MPIG6B: variants seen among roughly 807,000 people sequenced by gnomAD.
MPIG6B encodes the protein megakaryocyte and platelet inhibitory receptor G6b, also known as immunoglobulin receptor.
MPIG6B carries 22 observed loss-of-function variants against 24.2 expected under a neutral mutation model. That is an observed-to-expected ratio of 0.91 (90% CI 0.65 to 1.30). MPIG6B has a LOEUF of 1.30. Ranked by LOEUF, MPIG6B falls within the 50% of genes most tolerant of loss-of-function variation. The pLI, the probability that MPIG6B is intolerant of heterozygous loss-of-function variation, is 0.00. For missense variants in MPIG6B, 301 were observed against 318.5 expected (o/e 0.94, Z 0.42); for synonymous variants, 136 against 142.0 (o/e 0.96, Z 0.30).
upstream of MPIG6B, chr6:31,720,324 G>C: frequency 1.5e-6 from 1 of 668,714 alleles, no homozygotes; most frequent in South Asian, 1.8e-5. The surrounding 1 kb of genome is among the most constrained non-coding windows in gnomAD (Gnocchi z 4.9). Flanking sequence ...CAACCTGTTT[G>C]GCTGTTTGGT....
At position 31,723,988 on chromosome 6, in the gene MPIG6B, T is replaced by C. The variant is rs767118058; in HGVS notation, c.409+2T>C. 1.0e-5 allele frequency: 16 copies of C among 1,551,234 alleles called. No individual in the cohort carries two copies. The highest frequency in any genetic ancestry group is 1.0e-5 in the Non-Finnish European group (12 of 1,146,060). ...GCAAGGCCCCCGGGCCTACCCATGG[T>C]AGGTGCAGGCCTGTGCGCACAAGGG... is the stretch of plus-strand genomic sequence containing the variant. On this transcript the variant is annotated splice_donor_variant, in intron 2 of 5. Coordinates refer to ENST00000649779, the MANE Select transcript of MPIG6B (RefSeq NM_138272.3). LOFTEE classifies it high-confidence loss of function. The surrounding 1 kb of genome is among the most constrained non-coding windows in gnomAD (Gnocchi z 4.3).
rs1295844211 is a variant in MPIG6B at position 31,724,013 on chromosome 6, G to T, written c.409+27G>T. On this transcript the variant is annotated intron_variant, in intron 2 of 5. Coordinates refer to ENST00000649779, the MANE Select transcript of MPIG6B (RefSeq NM_138272.3). Reference sequence around the variant, plus strand: ...TAGGTGCAGGCCTGTGCGCACAAGGGTACTTAACTCCGACACATACCCGGA... The same window carrying T: ...TAGGTGCAGGCCTGTGCGCACAAGGTTACTTAACTCCGACACATACCCGGA... 7 of 1,560,940 alleles carry T rather than the reference G, an allele frequency of 4.5e-6. No homozygotes were observed. In the East Asian group the frequency reaches 1.6e-4, roughly 35 times the overall value.
upstream of MPIG6B, chr6:31,723,137 A>G: frequency 1.7e-6 from 1 of 579,628 alleles, no homozygotes. This position sits in a 1 kb window ranked among gnomAD's most constrained non-coding sequence, Gnocchi z 4.3. Context: ...CGCACCTGAA[A>G]AGTTAAGCAG....
intron 3 of MPIG6B, 96 bp from the exon 4 acceptor site, chr6:31,724,491 G>C: frequency 9.3e-7 from 1 of 1,074,866 alleles, no homozygotes; most frequent in Non-Finnish European, 1.5e-6. Context: ...TCCGGTCTGA[G>C]CCTTCAAGTT....
At chr6:31,724,041 AG>A in intron 2 of MPIG6B, 55 bp downstream of exon 2, 1 of 1,565,870 alleles carries the variant, frequency 6.4e-7, no homozygotes, top group Non-Finnish European at 8.7e-7. Flanking sequence ...TACCCGGAGG[AG>A]GGAAGAGGGC....
In MPIG6B at chr6:31,726,325, G is replaced by A. The variant is rs896861821; in HGVS notation, c.*1251G>A. The A allele has an allele frequency of 6.6e-6, 1 of 152,282 alleles. No individual in the cohort carries two copies. The highest frequency in any genetic ancestry group is 2.4e-5 in the African/African-American group (1 of 41,444). The allele number at this position is 152,282 out of a possible 1,614,324, so 9.4% of individuals were successfully genotyped here. On this transcript the variant is annotated 3_prime_UTR_variant, in exon 6 of 6. Transcript: ENST00000649779. The surrounding 1 kb of genome is among the most constrained non-coding windows in gnomAD (Gnocchi z 5.1). ...CTTTGTCCACTCTCCAGGCTTACCTGTGTCATTCCACATGCACATCTTAGA... is the reference window on the plus strand; with the variant it reads ...CTTTGTCCACTCTCCAGGCTTACCTATGTCATTCCACATGCACATCTTAGA...
rs146950118 is a variant in MPIG6B, at chr6:31,723,639, C to G, written c.62C>G (p.Ala21Gly). The G allele has an allele frequency of 2.4e-4, 370 of 1,561,496 alleles. No homozygotes were observed. The highest frequency in any genetic ancestry group is 4.9e-4 in the African/African-American group (36 of 73,636). Residue 21 changes from alanine to glycine, a missense_variant and splice_region_variant, in exon 2 of 6, where the codon GCT (alanine) becomes GGT (glycine). Physicochemically the swap from Ala to Gly is moderately conservative, Grantham distance 60. Coordinates refer to ENST00000649779, the MANE Select transcript of MPIG6B (RefSeq NM_138272.3). The surrounding 1 kb of genome is among the most constrained non-coding windows in gnomAD (Gnocchi z 4.3). ...AACCACAGCCTCCGGCCTCTCCTAG[C>G]TTCTCTGGACGGCCGCCCTGGGGAC... ...LLSRAQGNPGASLDGRPGDRV... is the reference protein window; with the variant it reads ...LLSRAQGNPGGSLDGRPGDRV...
At position 31,725,047 on chromosome 6, in the gene MPIG6B, C is replaced by T; in HGVS notation, c.699C>T (p.Ala233=). The T allele has an allele frequency of 6.2e-7, 1 of 1,613,450 alleles. No individual in the cohort carries two copies. Among genetic ancestry groups the T allele is most frequent in the Non-Finnish European group, 8.5e-7 (1 of 1,179,854 alleles). The change falls in exon 6 of 6, where the codon GCC becomes GCT. Residue 233 remains alanine (A), a synonymous_variant. Coordinates refer to ENST00000649779, the MANE Select transcript of MPIG6B (RefSeq NM_138272.3). The surrounding 1 kb of genome is among the most constrained non-coding windows in gnomAD (Gnocchi z 5.2). ...TGTCCACAGCGGACCCTGCTGATGCCTCCACCATCTATGCAGTTGTAGTTT... is the reference window on the plus strand; with the variant it reads ...TGTCCACAGCGGACCCTGCTGATGCTTCCACCATCTATGCAGTTGTAGTTT... ...RRLSTADPAD[A]STIYAVVV is the part of the protein sequence containing the mutation.
intron 3 of MPIG6B, 87 bp from the exon 4 acceptor site, chr6:31,724,500 T>G: frequency 8.6e-7 from 1 of 1,163,336 alleles, no homozygotes; most frequent in Non-Finnish European, 1.3e-6. Flanking sequence ...AGCCTTCAAG[T>G]TGCTGGGCTG....
chr6:31,724,457 C>T (rs997315195), intron 3 of MPIG6B, 130 bp from the exon 4 acceptor site: 9 of 861,280 alleles, frequency 1.0e-5, no homozygotes, highest in Non-Finnish European at 1.6e-5. Context: ...GCTGGACTGT[C>T]GGTGGGGTAG....
rs1282339293 is a variant in MPIG6B, at chr6:31,725,187, G to A, written c.*113G>A. Reference sequence around the variant, plus strand: ...GGAAGGCACCATGGTATAGAAATAAGTGCTAGACTGGGAGTTGGGAGACCT... The same window carrying A: ...GGAAGGCACCATGGTATAGAAATAAATGCTAGACTGGGAGTTGGGAGACCT... On this transcript the variant is annotated 3_prime_UTR_variant, in exon 6 of 6. Coordinates refer to ENST00000649779, the MANE Select transcript of MPIG6B (RefSeq NM_138272.3). This position sits in a 1 kb window ranked among gnomAD's most constrained non-coding sequence, Gnocchi z 5.2. 5.4e-6 allele frequency: 4 copies of A among 741,540 alleles called. No individual in the cohort carries two copies. Among genetic ancestry groups the A allele is most frequent in the African/African-American group, 1.8e-5 (1 of 56,612 alleles). The allele number at this position is 741,540 out of a possible 1,614,324, so 45.9% of individuals were successfully genotyped here.
At chr6:31,721,620 G>C (rs370881879), upstream of MPIG6B, 63 of 1,613,552 alleles carry the variant, frequency 3.9e-5, no homozygotes, top group Middle Eastern at 4.2e-3. Context: ...GGGCCCCCAG[G>C]TGCTCACCTG....
In MPIG6B at chr6:31,723,731, G is replaced by T; in HGVS notation, c.154G>T (p.Ala52Ser). 7 of 1,613,248 alleles carry T rather than the reference G, an allele frequency of 4.3e-6. No individual in the cohort carries two copies. The highest frequency in any genetic ancestry group is 5.9e-6 in the Non-Finnish European group (7 of 1,179,924). ...IRWVWAPSFP[A>S]CKGLSKGRRP... is the part of the protein sequence containing the mutation. ...CTGGGTCTGGGCACCCAGCTTCCCG[G>T]CCTGCAAGGGCCTGTCCAAAGGACG... Residue 52 changes from alanine to serine, a missense_variant, in exon 2 of 6, where the codon GCC becomes TCC. Ala to Ser is a moderately conservative substitution (Grantham distance 99). Coordinates refer to ENST00000649779, the MANE Select transcript of MPIG6B (RefSeq NM_138272.3). This position sits in a 1 kb window ranked among gnomAD's most constrained non-coding sequence, Gnocchi z 4.3.
At chr6:31,724,017 T>C in intron 2 of MPIG6B, 31 bp downstream of exon 2, 3 of 1,560,670 alleles carry the variant, frequency 1.9e-6, no homozygotes, top group South Asian at 2.4e-5. Context: ...ACAAGGGTAC[T>C]TAACTCCGAC....
Position 31,725,390 on chromosome 6 carries a change from A to G in MPIG6B, c.*316A>G. Reference sequence around the variant, plus strand: ...GTTGCCCAGGCTGGAGTGCAGTGACACCATCTCCCTCACTGCAAGCTCCGC... The same window carrying G: ...GTTGCCCAGGCTGGAGTGCAGTGACGCCATCTCCCTCACTGCAAGCTCCGC... On this transcript the variant is annotated 3_prime_UTR_variant, in exon 6 of 6. Transcript: ENST00000649779. The surrounding 1 kb of genome is among the most constrained non-coding windows in gnomAD (Gnocchi z 5.2). 1 of 284,970 alleles carries G rather than the reference A, an allele frequency of 3.5e-6. No individual in the cohort carries two copies. The highest frequency in any genetic ancestry group is 6.5e-6 in the Non-Finnish European group (1 of 154,896). 17.7% of individuals were successfully genotyped at this position (284,970 alleles called of 1,614,324 possible). A position where few individuals can be genotyped will look rare whatever the true frequency, so the allele number is the denominator to read the frequency against.
At chr6:31,720,423 C>T (rs376510), upstream of MPIG6B, among the ~76,000 whole-genome samples, 16,202 of 152,208 alleles carry the variant, frequency 0.11, 1,153 homozygotes, top group African/African-American at 0.2. The surrounding 1 kb of genome is among the most constrained non-coding windows in gnomAD (Gnocchi z 4.9). Context: ...GAAAGGCCCA[C>T]GCCCTACATA....
upstream of MPIG6B, chr6:31,722,960 C>T: frequency 3.8e-6 from 1 of 264,874 alleles, no homozygotes; most frequent in Non-Finnish European, 7.4e-6. Flanking sequence ...TTATCACAAT[C>T]CCCTACAAAA....
chr6:31,721,618 A>C (rs1192814836), upstream of MPIG6B: 1 of 1,613,564 alleles, frequency 6.2e-7, no homozygotes. Context: ...TGGGGCCCCC[A>C]GGTGCTCACC....
intron 2 of MPIG6B, 54 bp downstream of exon 2, chr6:31,724,040 G>A (rs1159611474): frequency 1.3e-6 from 2 of 1,565,954 alleles, no homozygotes; most frequent in East Asian, 2.2e-5. Flanking sequence ...ATACCCGGAG[G>A]AGGGAAGAGG....
Sources: allele counts gnomAD v4.1 joint callset (sites outside exome capture counted in the v4.1 genomes callset), GRCh38; gene constraint gnomAD v4.1.1; non-coding constraint Gnocchi (gnomAD v3.1); transcripts MANE v1.5; gene names NCBI Gene and HGNC (gene_info 2026-07-23, HGNC 2026-07-21).